Variants in ZDHHC2 observed in about 807,000 individuals in gnomAD.
The protein encoded by ZDHHC2 is palmitoyltransferase ZDHHC2.
In ZDHHC2, 51 loss-of-function variants were observed where a neutral mutation model predicts 55.6. The observed-to-expected ratio is 0.92, with a 90% CI of 0.73 to 1.16. The LOEUF (loss-of-function observed/expected upper bound fraction) is 1.16, where lower values mean the gene tolerates loss of function less well. Among genes scored for constraint, ZDHHC2 ranks in the 50% most tolerant of loss-of-function variants. ZDHHC2 has a pLI of 0.00. For synonymous variants in ZDHHC2, 199 were observed against 152.9 expected (o/e 1.30, Z -2.22); for missense variants, 491 against 442.4 (o/e 1.11, Z -0.99).
intron 1 of ZDHHC2, among the ~76,000 whole-genome samples, chr8:17,167,102 C>T (rs1056419919): frequency 3.9e-5 from 6 of 152,108 alleles, no homozygotes; most frequent in African/African-American, 1.4e-4. Flanking sequence ...TTAACACGTA[C>T]TAACATTTGG....
At chr8:17,162,784 C>A (rs1203906440) in intron 1 of ZDHHC2, 1 of 152,134 alleles carries the variant, frequency 6.6e-6, no homozygotes, top group Non-Finnish European at 1.5e-5. Flanking sequence ...GGTAGGAAAG[C>A]AGAAATGGAA....
intron 12 of ZDHHC2, among the ~76,000 whole-genome samples, chr8:17,219,986 T>C (rs1044059046): frequency 1.3e-5 from 2 of 152,118 alleles, no homozygotes; most frequent in Non-Finnish European, 2.9e-5. Flanking sequence ...TTAATAGAAA[T>C]GCAGAATCTT....
intron 3 of ZDHHC2, among the ~76,000 whole-genome samples, chr8:17,191,034 T>C (rs1413543418): frequency 1.5e-5 from 2 of 136,122 alleles, no homozygotes; most frequent in Non-Finnish European, 3.1e-5. Flanking sequence ...TAATCTTGGC[T>C]CACTGCAACC....
chr8:17,203,324 G>T (rs1806910445), intron 6 of ZDHHC2, among the ~76,000 whole-genome samples: 1 of 152,104 alleles, frequency 6.6e-6, no homozygotes, highest in Admixed American at 6.5e-5. Context: ...TCAGCCTCCT[G>T]GGTTCAAGTG....
chr8:17,197,472 A>T, intron 4 of ZDHHC2, 110 bp from the exon 5 acceptor site: 1 of 943,470 alleles, frequency 1.1e-6, no homozygotes, highest in Non-Finnish European at 1.6e-6. Context: ...TACCATATTT[A>T]AATTTCATAT....
chr8:17,160,654 T>C (rs1307663283), intron 1 of ZDHHC2, among the ~76,000 whole-genome samples: 1 of 152,206 alleles, frequency 6.6e-6, no homozygotes, highest in African/African-American at 2.4e-5. Context: ...TTTTTAACTT[T>C]ATTATCGTTT....
intron 1 of ZDHHC2, among the ~76,000 whole-genome samples, chr8:17,172,524 C>G (rs1804910169): frequency 6.6e-6 from 1 of 152,162 alleles, no homozygotes; most frequent in African/African-American, 2.4e-5. Flanking sequence ...ATCCACGTGC[C>G]TATACTCAAC....
At position 17,223,213 on chromosome 8, in the gene ZDHHC2, T is replaced by A. The variant is rs1054397701; in HGVS notation, c.*2992T>A. On this transcript the variant is annotated 3_prime_UTR_variant, in exon 13 of 13. Transcript: ENST00000262096. ...TATCATTTGGTATTTACTTATATGG[T>A]CAAATACTTGTTTGTAAAAGTGATG... is the stretch of plus-strand genomic sequence containing the variant. The A allele has an allele frequency of 1.3e-5, 2 of 151,874 alleles. No individual in the cohort carries two copies. The highest frequency in any genetic ancestry group is 1.9e-4 in the East Asian group (1 of 5,190). The allele number at this position is 151,874 out of a possible 1,614,324, so 9.4% of individuals were successfully genotyped here.
At position 17,186,533 on chromosome 8, in the gene ZDHHC2, G is replaced by A. The variant is rs189004651; in HGVS notation, c.252+108G>A. The stretch of plus-strand genomic sequence containing the variant: ...ATGTTGCAAACTTATTGAGTTTAGT[G>A]ACTTTTTAGATTAAAAAAATTAGTA... On this transcript the variant is annotated intron_variant, in intron 3 of 12. Transcript: ENST00000262096. The A allele has an allele frequency of 8.6e-4, 528 of 615,942 alleles. 2 individuals carry two copies. The highest frequency in any genetic ancestry group is 1.2e-3 in the African/African-American group (62 of 51,092). The allele number at this position is 615,942 out of a possible 1,614,324, so 38.2% of individuals were successfully genotyped here.
At chr8:17,171,482 A>G (rs1477311779) in intron 1 of ZDHHC2, among the ~76,000 whole-genome samples, 1 of 152,138 alleles carries the variant, frequency 6.6e-6, no homozygotes, top group Non-Finnish European at 1.5e-5. Context: ...TGAGTTTTTC[A>G]TGGCCATCAT....
At chr8:17,216,776 T>C (rs1486498465) in intron 11 of ZDHHC2, among the ~76,000 whole-genome samples, 1 of 152,112 alleles carries the variant, frequency 6.6e-6, no homozygotes, top group Non-Finnish European at 1.5e-5. Flanking sequence ...GGATGATGTA[T>C]AGGAAGGAAA....
chr8:17,187,114 G>C (rs1382025745), intron 3 of ZDHHC2, among the ~76,000 whole-genome samples: 1 of 152,230 alleles, frequency 6.6e-6, no homozygotes, highest in Non-Finnish European at 1.5e-5. Flanking sequence ...AGGAAGGGGG[G>C]AGTGTAGCCT....
At chr8:17,214,823 G>A (rs1470010680) in intron 10 of ZDHHC2, among the ~76,000 whole-genome samples, 4 of 152,078 alleles carry the variant, frequency 2.6e-5, no homozygotes, top group Admixed American at 2.0e-4. Context: ...GGATTGATTT[G>A]AGCGAAGGAG....
At chr8:17,163,788 A>G (rs902190421) in intron 1 of ZDHHC2, among the ~76,000 whole-genome samples, 1 of 152,220 alleles carries the variant, frequency 6.6e-6, no homozygotes, top group African/African-American at 2.4e-5. Flanking sequence ...TGGGAAAACA[A>G]TATTCTAAAG....
chr8:17,195,364 C>T (rs185536517), intron 3 of ZDHHC2, 140 bp from the exon 4 acceptor site: 12 of 959,928 alleles, frequency 1.3e-5, no homozygotes, highest in East Asian at 1.1e-4. Context: ...GACTTGCCCA[C>T]GTTTCAAACT....
intron 10 of ZDHHC2, among the ~76,000 whole-genome samples, chr8:17,211,539 G>C (rs1309516294): frequency 6.6e-6 from 1 of 152,128 alleles, no homozygotes; most frequent in Non-Finnish European, 1.5e-5. Context: ...ACCCAGGCTG[G>C]AGTGCAGTGG....
At chr8:17,202,416 C>T (rs919665947) in intron 6 of ZDHHC2, among the ~76,000 whole-genome samples, 2 of 152,128 alleles carry the variant, frequency 1.3e-5, no homozygotes, top group East Asian at 1.9e-4. Context: ...AAAGGCCACA[C>T]TCCTTCCAAT....
Position 17,156,749 on chromosome 8 carries a change from G to A in ZDHHC2, c.26G>A (p.Ser9Asn). The change falls in exon 1 of 13, where the codon AGC becomes AAC. Residue 9 changes from serine (S) to asparagine (N), a missense_variant. Transcript: ENST00000262096. MAPSGPGSSARRRCRRVLY... is the reference protein window; with the variant it reads MAPSGPGSNARRRCRRVLY... ...ATGGCGCCCTCGGGCCCGGGCAGCAGCGCCAGGCGGCGGTGCCGGCGGGTG... is the reference window on the plus strand; with the variant it reads ...ATGGCGCCCTCGGGCCCGGGCAGCAACGCCAGGCGGCGGTGCCGGCGGGTG... The A allele has an allele frequency of 6.7e-7, 1 of 1,498,246 alleles. No homozygotes were observed. Among genetic ancestry groups the A allele is most frequent in the Non-Finnish European group, 8.9e-7 (1 of 1,122,306 alleles). 92.8% of individuals were successfully genotyped at this position (1,498,246 alleles called of 1,614,324 possible).
chr8:17,208,534 T>C (rs1163076827), intron 8 of ZDHHC2, among the ~76,000 whole-genome samples: 1 of 151,806 alleles, frequency 6.6e-6, no homozygotes, highest in Non-Finnish European at 1.5e-5. Flanking sequence ...GGATAGGAGT[T>C]TGGGAATGCA....
Sources: allele counts gnomAD v4.1 joint callset (sites outside exome capture counted in the v4.1 genomes callset), GRCh38; gene constraint gnomAD v4.1.1; transcripts MANE v1.5; gene names NCBI Gene and HGNC (gene_info 2026-07-23, HGNC 2026-07-21).